Variants in CSNK1G1 observed in about 807,000 individuals in gnomAD.
The protein encoded by CSNK1G1 is casein kinase 1 gamma 1, also known as casein kinase I isoform gamma-1.
A neutral mutation model predicts 59.6 loss-of-function variants in CSNK1G1; 22 were observed. The ratio of observed to expected loss-of-function variants is 0.37; its 90% CI spans 0.26 to 0.53. The LOEUF is 0.53. Ranked by LOEUF, CSNK1G1 falls within the 20% of genes least tolerant of loss-of-function variation. CSNK1G1 has a pLI of 0.89. For synonymous variants in CSNK1G1, 179 were observed against 177.1 expected, an observed-to-expected ratio of 1.01 and a Z score of -0.08; for missense variants, 384 against 519.5, an observed-to-expected ratio of 0.74 and a Z score of 2.54.
chr15:64,174,787 A>G (rs2081721637), intron 11 of CSNK1G1, among the ~76,000 whole-genome samples: 1 of 152,102 alleles, frequency 6.6e-6, no homozygotes, highest in African/African-American at 2.4e-5. Context: ...TTTCTCTGCC[A>G]TATGTGTACA....
rs775274366 is a variant in CSNK1G1, at chr15:64,216,507, A to T, written c.444+55T>A. 1.2e-4 allele frequency: 183 copies of T among 1,553,828 alleles called. No individual in the cohort carries two copies. Among genetic ancestry groups the T allele is most frequent in the Non-Finnish European group, 1.6e-4 (180 of 1,129,996 alleles). ...CTAGTAAATCACCAAAAGGCCCACA[A>T]GGATGTGGCTGAGGAACCAGCTTAT... On this transcript the variant is annotated intron_variant, in intron 5 of 11. Transcript: ENST00000303052. This position sits in a 1 kb window ranked among gnomAD's most constrained non-coding sequence, Gnocchi z 4.6.
Position 64,214,272 on chromosome 15 carries a change from T to G in CSNK1G1, c.445-148A>C, listed in dbSNP as rs560284709. 7 of 631,724 alleles carry G rather than the reference T, an allele frequency of 1.1e-5. No individual in the cohort carries two copies. In the South Asian group the frequency reaches 1.2e-4, roughly 11 times the overall value. 39.1% of individuals were successfully genotyped at this position (631,724 alleles called of 1,614,324 possible). On this transcript the variant is annotated intron_variant, in intron 5 of 11. Coordinates refer to ENST00000303052, the MANE Select transcript of CSNK1G1 (RefSeq NM_022048.5). The surrounding 1 kb of genome is among the most constrained non-coding windows in gnomAD (Gnocchi z 4.3). ...CACCGCCCTGAGTCACTTCACTGACTTGTAAACAAAAAAATATTTTGCTAT... is the reference window on the plus strand; with the variant it reads ...CACCGCCCTGAGTCACTTCACTGACGTGTAAACAAAAAAATATTTTGCTAT...
At chr15:64,332,731 A>G (rs1205707857) in intron 1 of CSNK1G1, among the ~76,000 whole-genome samples, 1 of 148,732 alleles carries the variant, frequency 6.7e-6, no homozygotes, top group Non-Finnish European at 1.5e-5. Flanking sequence ...TTTAAAAAAA[A>G]ACAAAAACAA....
At chr15:64,211,093 C>G (rs2082244189) in intron 6 of CSNK1G1, among the ~76,000 whole-genome samples, 1 of 152,166 alleles carries the variant, frequency 6.6e-6, no homozygotes, top group African/African-American at 2.4e-5. Context: ...AAGGTCTTTT[C>G]TTTATAAAAT....
chr15:64,179,062 CTT>C (rs2081776912), intron 11 of CSNK1G1, among the ~76,000 whole-genome samples: 1 of 151,954 alleles, frequency 6.6e-6, no homozygotes, highest in Admixed American at 6.6e-5. Context: ...GAAAGGACTT[CTT>C]GAAGGTAAAA....
chr15:64,285,120 A>C (rs1262062891), intron 2 of CSNK1G1, among the ~76,000 whole-genome samples: 1 of 152,068 alleles, frequency 6.6e-6, no homozygotes, highest in Non-Finnish European at 1.5e-5. Context: ...GAAAATGTTT[A>C]TTGTTATTTA....
chr15:64,331,168 A>G (rs1435750845), intron 1 of CSNK1G1, among the ~76,000 whole-genome samples: 11 of 145,604 alleles, frequency 7.6e-5, no homozygotes, highest in African/African-American at 2.8e-4. Flanking sequence ...CAGAATTGGA[A>G]AAAACTACTT....
chr15:64,320,271 G>A (rs1299545591), intron 1 of CSNK1G1, among the ~76,000 whole-genome samples: 4 of 152,042 alleles, frequency 2.6e-5, no homozygotes, highest in East Asian at 1.9e-4. Context: ...AGGTTACAAC[G>A]CTCAGAAGTA....
At position 64,216,683 on chromosome 15, in the gene CSNK1G1, C is replaced by G. The variant is rs2082315666; in HGVS notation, c.323G>C (p.Gly108Ala). The G allele has an allele frequency of 6.2e-7, 1 of 1,614,020 alleles. No homozygotes were observed. Among genetic ancestry groups the G allele is most frequent in the East Asian group, 2.2e-5 (1 of 44,880 alleles). Residue 108 changes from glycine to alanine, a missense_variant, in exon 5 of 12, where the codon GGA becomes GCA. Around this residue, in one of 3 missense-constraint regions of CSNK1G1, gnomAD observed 325 missense variants for 440.9 expected, o/e 0.74. Coordinates refer to ENST00000303052, the MANE Select transcript of CSNK1G1 (RefSeq NM_022048.5). The surrounding 1 kb of genome is among the most constrained non-coding windows in gnomAD (Gnocchi z 4.6). ...GEGLPQVYYF[G>A]PCGKYNAMVL... Reference sequence around the variant, plus strand: ...CATGGCATTATATTTCCCACATGGTCCAAAGTAATACACCTGTGGGAGACC... The same window carrying G: ...CATGGCATTATATTTCCCACATGGTGCAAAGTAATACACCTGTGGGAGACC...
chr15:64,318,099 A>G (rs1896369158), intron 1 of CSNK1G1, among the ~76,000 whole-genome samples: 1 of 152,126 alleles, frequency 6.6e-6, no homozygotes, highest in African/African-American at 2.4e-5. Context: ...CAACTGTGAT[A>G]TTAAGAGCTT....
At chr15:64,267,021 C>T (rs1002923885) in intron 2 of CSNK1G1, among the ~76,000 whole-genome samples, 13 of 151,864 alleles carry the variant, frequency 8.6e-5, no homozygotes, top group Non-Finnish European at 1.5e-4. Context: ...TTTGGGAGGC[C>T]GAGGTGGGTG....
In CSNK1G1 at chr15:64,248,315, T is replaced by C. The variant is rs569867640; in HGVS notation, c.292+3197A>G. Among the ~76,000 whole-genome samples the C allele has an allele frequency of 7.9e-5, 12 of 152,386 alleles. No homozygotes were observed. The East Asian group carries it at 1.3e-3, about 17-fold the overall frequency. ...GAAATCTTGTCTATTTTCTTGTCAA[T>C]TGATCTTCTTTCAAAATAAATTTCC... On this transcript the variant is annotated intron_variant, in intron 4 of 11. Coordinates refer to ENST00000303052, the MANE Select transcript of CSNK1G1 (RefSeq NM_022048.5).
chr15:64,259,900 G>A (rs537052382), intron 2 of CSNK1G1, among the ~76,000 whole-genome samples: 171 of 152,196 alleles, frequency 1.1e-3, no homozygotes, highest in Non-Finnish European at 2.1e-3. Flanking sequence ...CTGCAATAAC[G>A]GTTTTTCCTT....
intron 3 of CSNK1G1, among the ~76,000 whole-genome samples, chr15:64,257,827 T>G (rs887552235): frequency 6.6e-6 from 1 of 152,196 alleles, no homozygotes; most frequent in African/African-American, 2.4e-5. Flanking sequence ...TCTGTTCGGT[T>G]AATCCTCTAA....
intron 10 of CSNK1G1, 75 bp from the exon 11 acceptor site, chr15:64,180,529 C>T: frequency 8.6e-7 from 1 of 1,163,918 alleles, no homozygotes; most frequent in Middle Eastern, 2.2e-4. Context: ...GACAGGGTCG[C>T]TAAACAGGCA....
Position 64,314,327 on chromosome 15 carries a change from C to G in CSNK1G1, c.-224-13604G>C, listed in dbSNP as rs566684191. On this transcript the variant is annotated intron_variant, in intron 1 of 11. Coordinates refer to ENST00000303052, the MANE Select transcript of CSNK1G1 (RefSeq NM_022048.5). ...GGGTGGGAAGCCTTTTATTAGAAGA[C>G]ACATTTATTTTTTAAAAGTTTAAAA... Among the ~76,000 whole-genome samples, 7 of 152,036 alleles carry G rather than the reference C, an allele frequency of 4.6e-5. No homozygotes were observed. The East Asian group carries it at 1.4e-3, about 29-fold the overall frequency.
At chr15:64,193,739 C>G (rs1325968775) in intron 10 of CSNK1G1, among the ~76,000 whole-genome samples, 1 of 152,094 alleles carries the variant, frequency 6.6e-6, no homozygotes, top group Non-Finnish European at 1.5e-5. Flanking sequence ...TTCTGTGACG[C>G]TTTTAGAAAA....
intron 1 of CSNK1G1, among the ~76,000 whole-genome samples, chr15:64,301,445 CAACACA>C (rs1895334338): frequency 6.6e-6 from 1 of 151,130 alleles, no homozygotes; most frequent in Non-Finnish European, 1.5e-5. Flanking sequence ...GGACTGAGCC[CAACACA>C]AATGTTTGCA....
chr15:64,170,737 T>C lies in CSNK1G1; in HGVS notation c.*1194A>G, dbSNP rs2081654545. 1 of 152,644 alleles carries C rather than the reference T, an allele frequency of 6.6e-6. No homozygotes were observed. Among genetic ancestry groups the C allele is most frequent in the South Asian group, 2.1e-4 (1 of 4,830 alleles). 9.5% of individuals were successfully genotyped at this position (152,644 alleles called of 1,614,324 possible). A position where few individuals can be genotyped will look rare whatever the true frequency, so the allele number is the denominator to read the frequency against. ...CCAGGACGTCACATGGCTATCTAGT[T>C]GGAAGTCCCTGGCAGCATGGGAAAC... On this transcript the variant is annotated 3_prime_UTR_variant, in exon 12 of 12. Coordinates refer to ENST00000303052, the MANE Select transcript of CSNK1G1 (RefSeq NM_022048.5).
Sources: gnomAD v4.1 joint callset for allele counts (sites outside exome capture counted in the v4.1 genomes callset) on GRCh38, gnomAD v4.1.1 for gene constraint, gnomAD v4.1.1 regional missense constraint, Gnocchi (gnomAD v3.1) non-coding constraint, MANE v1.5 for transcripts, NCBI Gene and HGNC (gene_info 2026-07-23, HGNC 2026-07-21) for gene names.